The following GALNT13 variants were observed in gnomAD, a reference collection of about 807,000 sequenced individuals.
GALNT13 encodes polypeptide N-acetylgalactosaminyltransferase 13, also known as UDP-GalNAc:polypeptide N-acetylgalactosaminyltransferase 13.
GALNT13 carries 28 observed loss-of-function variants against 64.2 expected under a neutral mutation model. The ratio of observed to expected loss-of-function variants is 0.44; its 90% CI spans 0.32 to 0.60. The LOEUF is 0.60. GALNT13 is among the 20% of genes least tolerant of loss of function. The probability of loss-of-function intolerance (pLI) is 0.05; values close to 1 mark genes in which losing one functional copy is unlikely to be tolerated. For missense variants in GALNT13, 577 were observed against 669.8 expected (o/e 0.86, Z 1.53); for synonymous variants, 214 against 224.6 (o/e 0.95, Z 0.42).
chr2:153,996,046 A>G (rs933183206), intron 3 of GALNT13, among the ~76,000 whole-genome samples: 4 of 152,152 alleles, frequency 2.6e-5, no homozygotes, highest in African/African-American at 9.6e-5. Flanking sequence ...CCAGTGTGTA[A>G]ATACCACATT....
At chr2:154,397,300 G>C (rs574364516) in intron 10 of GALNT13, among the ~76,000 whole-genome samples, 1 of 152,092 alleles carries the variant, frequency 6.6e-6, no homozygotes, top group South Asian at 2.1e-4. Flanking sequence ...TTAGCCAGGC[G>C]TGGTGGCAGG....
intron 9 of GALNT13, among the ~76,000 whole-genome samples, chr2:154,341,092 G>A (rs1424050487): frequency 6.6e-6 from 1 of 151,984 alleles, no homozygotes; most frequent in East Asian, 1.9e-4. Flanking sequence ...CATATCAAGG[G>A]CTAGAACTCA....
At chr2:153,219,161 A>T in the GALNT13 span, among the ~76,000 whole-genome samples, 1 of 152,234 alleles carries the variant, frequency 6.6e-6, no homozygotes, top group African/African-American at 2.4e-5. Context: ...CAGGGAATTT[A>T]TTCCTTACCA....
chr2:153,662,565 G>T, the GALNT13 span, among the ~76,000 whole-genome samples: 1 of 152,138 alleles, frequency 6.6e-6, no homozygotes, highest in Non-Finnish European at 1.5e-5. Flanking sequence ...ATAGGATGAA[G>T]CATCCTATCA....
At chr2:153,091,779 C>T in the GALNT13 span, among the ~76,000 whole-genome samples, 1 of 152,112 alleles carries the variant, frequency 6.6e-6, no homozygotes, top group Non-Finnish European at 1.5e-5. Context: ...ATAATTTCTC[C>T]CATTTTGTCG....
chr2:153,474,845 C>G, the GALNT13 span, among the ~76,000 whole-genome samples: 1 of 151,718 alleles, frequency 6.6e-6, no homozygotes, highest in Non-Finnish European at 1.5e-5. Flanking sequence ...TAATTACTGA[C>G]CAAATGGTGG....
chr2:153,091,449 A>G, the GALNT13 span, among the ~76,000 whole-genome samples: 4 of 152,138 alleles, frequency 2.6e-5, no homozygotes, highest in South Asian at 8.3e-4. Context: ...CCCATCTCAC[A>G]CTTGGGGAAC....
At chr2:154,177,191 A>G (rs1195395625) in intron 4 of GALNT13, among the ~76,000 whole-genome samples, 1 of 152,220 alleles carries the variant, frequency 6.6e-6, no homozygotes, top group Admixed American at 6.5e-5. Flanking sequence ...CTGCTGTGGT[A>G]CATCCAGACA....
intron 3 of GALNT13, among the ~76,000 whole-genome samples, chr2:154,033,940 A>G (rs1290370874): frequency 6.6e-6 from 1 of 152,148 alleles, no homozygotes; most frequent in Non-Finnish European, 1.5e-5. Context: ...CTCCATCTCA[A>G]AAAAACAAGC....
the GALNT13 span, among the ~76,000 whole-genome samples, chr2:153,620,832 CT>C: frequency 6.6e-6 from 1 of 151,962 alleles, no homozygotes; most frequent in Non-Finnish European, 1.5e-5. Flanking sequence ...ATGTTCTTCA[CT>C]GTCTGGGCTT....
At chr2:153,087,377 T>C in the GALNT13 span, among the ~76,000 whole-genome samples, 18 of 152,140 alleles carry the variant, frequency 1.2e-4, no homozygotes, top group African/African-American at 4.1e-4. Flanking sequence ...TTGGCGTCTG[T>C]TGTCTAGTGT....
At chr2:153,516,176 TTTAA>T in the GALNT13 span, among the ~76,000 whole-genome samples, 2 of 152,314 alleles carry the variant, frequency 1.3e-5, no homozygotes, top group East Asian at 3.9e-4. Context: ...TGCACAGTAT[TTTAA>T]TTATTTATTT....
At position 153,995,145 on chromosome 2, in the gene GALNT13, A is replaced by T. The variant is rs1473318; in HGVS notation, c.142+50506A>T. On this transcript the variant is annotated intron_variant, in intron 3 of 12. Transcript: ENST00000392825. ...AATTAGATTAGATCTCATCTAATAT[A>T]GTTTAGTTATAAACATTTGCATATC... Among the ~76,000 whole-genome samples, 4 of 151,752 alleles carry T rather than the reference A, an allele frequency of 2.6e-5. No homozygotes were observed. In the South Asian group the frequency reaches 6.2e-4, roughly 24 times the overall value.
the GALNT13 span, among the ~76,000 whole-genome samples, chr2:153,640,011 G>A: frequency 1.3e-5 from 2 of 152,126 alleles, no homozygotes; most frequent in African/African-American, 2.4e-5. Flanking sequence ...CCATAGAGGG[G>A]CTATGAGAGC....
chr2:154,059,263 A>G (rs1228589116), intron 3 of GALNT13, among the ~76,000 whole-genome samples: 1 of 152,222 alleles, frequency 6.6e-6, no homozygotes, highest in Non-Finnish European at 1.5e-5. Context: ...ATATTTTGAG[A>G]AAAATGAAAG....
the GALNT13 span, among the ~76,000 whole-genome samples, chr2:153,261,821 T>C: frequency 6.6e-6 from 1 of 151,166 alleles, no homozygotes; most frequent in Admixed American, 6.6e-5. Context: ...AGCAGAGGAG[T>C]CTCTTCCCGT....
At chr2:153,438,122 A>T in the GALNT13 span, among the ~76,000 whole-genome samples, 1 of 152,298 alleles carries the variant, frequency 6.6e-6, no homozygotes, top group East Asian at 1.9e-4. Context: ...TGGGTTGAAA[A>T]TTCTTTTCTT....
chr2:154,248,464 A>G (rs1376856920), intron 7 of GALNT13, among the ~76,000 whole-genome samples: 11 of 152,158 alleles, frequency 7.2e-5, no homozygotes, highest in Admixed American at 7.2e-4. Flanking sequence ...ATCAAATTAT[A>G]TGACTTTTCA....
chr2:153,837,907 T>C, the GALNT13 span, among the ~76,000 whole-genome samples: 1 of 152,052 alleles, frequency 6.6e-6, no homozygotes, highest in East Asian at 1.9e-4. Flanking sequence ...AAGTGTTTCC[T>C]TTTCTCCAAT....
Sources: gnomAD v4.1 joint callset for allele counts (sites outside exome capture counted in the v4.1 genomes callset) on GRCh38, gnomAD v4.1.1 for gene constraint, MANE v1.5 for transcripts, NCBI Gene and HGNC (gene_info 2026-07-23, HGNC 2026-07-21) for gene names.